Variants in RXRG observed in about 807,000 individuals in gnomAD.
RXRG encodes retinoid X receptor gamma.
RXRG carries 19 observed loss-of-function variants against 49.2 expected under a neutral mutation model. That is an observed-to-expected ratio of 0.39 (90% CI 0.27 to 0.57). The LOEUF (loss-of-function observed/expected upper bound fraction) is 0.57, where lower values mean the gene tolerates loss of function less well. Among genes scored for constraint, RXRG ranks in the 20% least tolerant of loss-of-function variants. RXRG has a pLI of 0.64. For synonymous variants in RXRG, 224 were observed against 216.6 expected, an observed-to-expected ratio of 1.03 and a Z score of -0.30; for missense variants, 452 against 592.5, an observed-to-expected ratio of 0.76 and a Z score of 2.46.
chr1:165,429,673 A>C (rs962614044), intron 1 of RXRG, among the ~76,000 whole-genome samples: 10 of 152,202 alleles, frequency 6.6e-5, no homozygotes, highest in Admixed American at 2.6e-4. Flanking sequence ...ATGGCTAGGC[A>C]TGGCTTTATG....
At position 165,413,990 on chromosome 1, in the gene RXRG, T is replaced by C. The variant is rs556010476; in HGVS notation, c.623-2881A>G. ...TTTCCATGGTCTCTCTGTTATCTGCTCCAGGATGTTATTATTCTTGTCCTC... is the reference window on the plus strand; with the variant it reads ...TTTCCATGGTCTCTCTGTTATCTGCCCCAGGATGTTATTATTCTTGTCCTC... On this transcript the variant is annotated intron_variant, in intron 4 of 9. Transcript: ENST00000359842. 1.8e-4 allele frequency among the ~76,000 whole-genome samples: 28 copies of C among 152,322 alleles called. No individual in the cohort carries two copies. In the South Asian group the frequency reaches 5.6e-3, roughly 30 times the overall value.
intron 1 of RXRG, among the ~76,000 whole-genome samples, chr1:165,432,751 G>A (rs903169327): frequency 1.3e-5 from 2 of 152,224 alleles, no homozygotes; most frequent in African/African-American, 4.8e-5. Flanking sequence ...AGCACCAGCT[G>A]AAAGTAGGCA....
intron 1 of RXRG, 66 bp from the exon 2 acceptor site, chr1:165,429,032 G>T: frequency 6.5e-6 from 10 of 1,529,028 alleles, no homozygotes; most frequent in East Asian, 2.3e-5. Context: ...GGGGGACAGA[G>T]GCCTAGCCCC....
intron 1 of RXRG, among the ~76,000 whole-genome samples, chr1:165,439,398 G>C (rs536679383): frequency 1.3e-5 from 2 of 152,126 alleles, no homozygotes; most frequent in East Asian, 3.9e-4. Context: ...CTCCCACCCT[G>C]AGCAGCTCAT....
Position 165,403,094 on chromosome 1 carries a change from T to G in RXRG, c.1245-1684A>C, listed in dbSNP as rs567065549. On this transcript the variant is annotated intron_variant, in intron 9 of 9. Coordinates refer to ENST00000359842, the MANE Select transcript of RXRG (RefSeq NM_006917.5). ...ACACATTTTTCTATAACTGAGGACA[T>G]TTGTTGTGAGATTCACAAAAGGGAG... is the stretch of plus-strand genomic sequence containing the variant. Among the ~76,000 whole-genome samples the G allele has an allele frequency of 2.6e-5, 4 of 152,338 alleles. No homozygotes were observed. The East Asian group carries it at 5.8e-4, about 22-fold the overall frequency.
In RXRG at chr1:165,401,278, C is replaced by A. The variant is rs149087358; in HGVS notation, c.1377G>T (p.Pro459=). 1 of 1,614,004 alleles carries A rather than the reference C, an allele frequency of 6.2e-7. No homozygotes were observed. Among genetic ancestry groups the A allele is most frequent in the South Asian group, 1.1e-5 (1 of 91,054 alleles). The change falls in exon 10 of 10, where the codon CCG becomes CCT. Residue 459 remains proline (P), a synonymous_variant. Coordinates refer to ENST00000359842, the MANE Select transcript of RXRG (RefSeq NM_006917.5). ...DTFLMEMLET[P]LQIT ...CTGGTGGGGCTCAGGTGATCTGCAG[C>A]GGGGTCTCCAACATCTCCATGAGGA... is the stretch of plus-strand genomic sequence containing the variant.
At chr1:165,439,335 A>G (rs1377977625) in intron 1 of RXRG, among the ~76,000 whole-genome samples, 2 of 151,476 alleles carry the variant, frequency 1.3e-5, no homozygotes, top group Admixed American at 6.6e-5. Context: ...GGAGAGAGGC[A>G]GGGATGCCAC....
intron 6 of RXRG, among the ~76,000 whole-genome samples, chr1:165,409,909 C>G (rs1429384481): frequency 6.6e-6 from 1 of 151,802 alleles, no homozygotes; most frequent in Non-Finnish European, 1.5e-5. Flanking sequence ...CCCACTCTCT[C>G]TCAGATGCAA....
intron 1 of RXRG, chr1:165,437,091 T>C: frequency 2.9e-6 from 4 of 1,357,148 alleles, no homozygotes; most frequent in South Asian, 2.3e-5. Context: ...ATTTTACTGG[T>C]CACTAGTGTC....
chr1:165,418,329 C>T (rs528197749), intron 3 of RXRG, among the ~76,000 whole-genome samples: 1 of 152,098 alleles, frequency 6.6e-6, no homozygotes, highest in South Asian at 2.1e-4. Flanking sequence ...CTTCTTAATA[C>T]CAGGCACTAT....
chr1:165,434,466 A>G (rs1191543721), intron 1 of RXRG, among the ~76,000 whole-genome samples: 1 of 152,216 alleles, frequency 6.6e-6, no homozygotes, highest in Non-Finnish European at 1.5e-5. Flanking sequence ...CAGACAAGGG[A>G]GCAAATGGCC....
At chr1:165,424,255 C>T (rs140590695) in intron 2 of RXRG, among the ~76,000 whole-genome samples, 2 of 152,338 alleles carry the variant, frequency 1.3e-5, no homozygotes, top group East Asian at 1.9e-4. Flanking sequence ...ATCTCATACA[C>T]ATTTTTGGTA....
chr1:165,420,800 C>T (rs1658287958), intron 2 of RXRG, among the ~76,000 whole-genome samples: 1 of 152,076 alleles, frequency 6.6e-6, no homozygotes, highest in African/African-American at 2.4e-5. Context: ...CAATAGAAAC[C>T]CAGAAGGTAT....
intron 1 of RXRG, among the ~76,000 whole-genome samples, chr1:165,433,621 C>G (rs1304371810): frequency 6.6e-6 from 1 of 152,222 alleles, no homozygotes; most frequent in African/African-American, 2.4e-5. Flanking sequence ...ATTGCATACT[C>G]CTGGGTCTCA....
intron 8 of RXRG, 82 bp downstream of exon 8, chr1:165,408,145 G>A: frequency 9.7e-7 from 1 of 1,033,736 alleles, no homozygotes; most frequent in Non-Finnish European, 1.5e-6. Flanking sequence ...CTGAGATGGA[G>A]GACCAATAAC....
At chr1:165,407,823 AT>A (rs1255441231) in intron 8 of RXRG, among the ~76,000 whole-genome samples, 1 of 148,336 alleles carries the variant, frequency 6.7e-6, no homozygotes. Flanking sequence ...TAAGAACTTC[AT>A]TTTTCCCATT....
At chr1:165,437,743 A>C (rs1349259813) in intron 1 of RXRG, among the ~76,000 whole-genome samples, 1 of 152,188 alleles carries the variant, frequency 6.6e-6, no homozygotes, top group Non-Finnish European at 1.5e-5. Flanking sequence ...TAACTGGTAC[A>C]TGATGTACCA....
intron 1 of RXRG, among the ~76,000 whole-genome samples, chr1:165,433,895 C>A (rs1658752072): frequency 1.3e-5 from 2 of 152,202 alleles, no homozygotes; most frequent in Admixed American, 1.3e-4. Context: ...AGAAGGGAAT[C>A]TGTACAGTGC....
intron 1 of RXRG, among the ~76,000 whole-genome samples, chr1:165,435,975 T>G (rs1025341653): frequency 5.9e-5 from 9 of 152,182 alleles, no homozygotes; most frequent in Non-Finnish European, 1.3e-4. Flanking sequence ...GTGGCTGCAT[T>G]CCAATAAGCT....
Sources: allele counts gnomAD v4.1 joint callset (sites outside exome capture counted in the v4.1 genomes callset), GRCh38; gene constraint gnomAD v4.1.1; transcripts MANE v1.5; gene names NCBI Gene and HGNC (gene_info 2026-07-23, HGNC 2026-07-21).